GNB4: variants seen among roughly 807,000 people sequenced by gnomAD.
GNB4 encodes the protein guanine nucleotide-binding protein subunit beta-4.
In GNB4, 28 loss-of-function variants were observed where a neutral mutation model predicts 45.2. The observed-to-expected ratio is 0.62, with a 90% confidence interval of 0.46 to 0.85. GNB4 has a LOEUF of 0.85. Ranked by LOEUF, GNB4 falls within the 40% of genes least tolerant of loss-of-function variation. GNB4 has a pLI of 0.00. For missense variants in GNB4, 321 were observed against 425.4 expected, an observed-to-expected ratio of 0.75 and a Z score of 2.16; for synonymous variants, 132 against 143.7, an observed-to-expected ratio of 0.92 and a Z score of 0.58.
chr3:179,515,650 CA>C, the GNB4 span, among the ~76,000 whole-genome samples: 1 of 152,098 alleles, frequency 6.6e-6, no homozygotes, highest in African/African-American at 2.4e-5. Flanking sequence ...ACATGCAGGT[CA>C]CAGGGGATAT....
the GNB4 span, among the ~76,000 whole-genome samples, chr3:179,498,281 T>C: frequency 6.6e-6 from 1 of 152,168 alleles, no homozygotes; most frequent in African/African-American, 2.4e-5. Context: ...TCAGACATCA[T>C]AGCTATGAAA....
chr3:179,522,210 C>T, the GNB4 span, among the ~76,000 whole-genome samples: 1 of 152,174 alleles, frequency 6.6e-6, no homozygotes, highest in African/African-American at 2.4e-5. Flanking sequence ...CTGTTCCTGC[C>T]TTAACTGATG....
chr3:179,499,247 T>C, the GNB4 span, among the ~76,000 whole-genome samples: 16,379 of 145,420 alleles, frequency 0.11, 1,428 homozygotes, highest in African/African-American at 0.24. Context: ...AAGCTCCGCC[T>C]CCCAGGTTCA....
At chr3:179,509,675 A>C in the GNB4 span, among the ~76,000 whole-genome samples, 231 of 106,384 alleles carry the variant, frequency 2.2e-3, no homozygotes, top group Admixed American at 2.6e-3. Flanking sequence ...TTTTCTGGCC[A>C]CCCTCCTCCC....
At chr3:179,524,302 A>C in the GNB4 span, among the ~76,000 whole-genome samples, 1 of 152,230 alleles carries the variant, frequency 6.6e-6, no homozygotes. Context: ...TCTGATTTCC[A>C]GTGGGGTCCC....
At chr3:179,438,340 A>G (rs893182634) in intron 1 of GNB4, among the ~76,000 whole-genome samples, 2 of 152,204 alleles carry the variant, frequency 1.3e-5, no homozygotes, top group African/African-American at 4.8e-5. Flanking sequence ...GACTACTTAC[A>G]GTGTGACCCC....
the GNB4 span, among the ~76,000 whole-genome samples, chr3:179,461,004 A>G: frequency 6.6e-6 from 1 of 152,052 alleles, no homozygotes; most frequent in African/African-American, 2.4e-5. Context: ...TTTTTGCCAG[A>G]TTTCTTAATT....
intron 9 of GNB4, among the ~76,000 whole-genome samples, chr3:179,404,671 A>G (rs1406586993): frequency 6.6e-6 from 1 of 151,584 alleles, no homozygotes; most frequent in Admixed American, 6.6e-5. Context: ...TCCTTTAAGT[A>G]TAATTTTGAT....
At chr3:179,510,132 CT>C in the GNB4 span, among the ~76,000 whole-genome samples, 663 of 148,778 alleles carry the variant, frequency 4.5e-3, 6 homozygotes, top group African/African-American at 0.015. Context: ...GCCCAGGCTT[CT>C]TTTTTTTTTA....
chr3:179,411,799 G>A (rs1577027809), intron 8 of GNB4, among the ~76,000 whole-genome samples: 2 of 152,192 alleles, frequency 1.3e-5, no homozygotes, highest in African/African-American at 4.8e-5. Context: ...TTCAATAAGT[G>A]TATGATAAAG....
Position 179,427,734 on chromosome 3 carries a change from T to A in GNB4, c.-42-1492A>T, listed in dbSNP as rs557859003. Reference sequence around the variant, plus strand: ...GTAAATAAAGCAACCTGAAATAGCTTAACAAATAAAGGAATATTCATTCTA... The same window carrying A: ...GTAAATAAAGCAACCTGAAATAGCTAAACAAATAAAGGAATATTCATTCTA... On this transcript the variant is annotated intron_variant, in intron 1 of 9. Transcript: ENST00000232564. Among the ~76,000 whole-genome samples the A allele has an allele frequency of 3.5e-3, 532 of 152,098 alleles. 2 individuals carry two copies. The highest frequency in any genetic ancestry group is 6.8e-3 in the Middle Eastern group (2 of 294).
At chr3:179,421,284 T>C (rs1311261553) in intron 2 of GNB4, among the ~76,000 whole-genome samples, 1 of 152,138 alleles carries the variant, frequency 6.6e-6, no homozygotes, top group Non-Finnish European at 1.5e-5. Flanking sequence ...TGAACAAAAT[T>C]TGAGAGATGT....
Position 179,405,367 on chromosome 3 carries a change from CA to C in GNB4, c.738del (p.Asp246GlufsTer31). The C allele has an allele frequency of 6.2e-7, 1 of 1,613,690 alleles. No homozygotes were observed. The highest frequency in any genetic ancestry group is 2.2e-5 in the East Asian group (1 of 44,864). On this transcript the variant is annotated frameshift_variant, in exon 9 of 10. Coordinates refer to ENST00000232564, the MANE Select transcript of GNB4 (RefSeq NM_021629.4). LOFTEE classifies it high-confidence loss of function. Reference protein sequence around the residue: ...PNGYAFATGSDDATCRLFDLR... With the variant: ...PNGYAFATGSXDATCRLFDLR... ...AGGTCAAAGAGCCGGCAAGTGGCAT[CA>C]TCAGAGCCAGTGGCGAAGGCATATC... is the stretch of plus-strand genomic sequence containing the variant.
intron 1 of GNB4, among the ~76,000 whole-genome samples, chr3:179,446,052 C>T (rs530970716): frequency 6.6e-6 from 1 of 152,316 alleles, no homozygotes; most frequent in South Asian, 2.1e-4. Flanking sequence ...TAAAATAACA[C>T]ATCTTTCAGC....
At chr3:179,464,857 C>T in the GNB4 span, 1 of 1,360,944 alleles carries the variant, frequency 7.3e-7, no homozygotes, top group East Asian at 2.3e-5. Context: ...ACCAGTATTC[C>T]ATGTTACCGG....
the GNB4 span, among the ~76,000 whole-genome samples, chr3:179,523,272 G>A: frequency 6.6e-6 from 1 of 152,142 alleles, no homozygotes; most frequent in African/African-American, 2.4e-5. Flanking sequence ...AGTAATGGGG[G>A]CTGTCCATGA....
At chr3:179,446,709 G>C (rs1019729466) in intron 1 of GNB4, among the ~76,000 whole-genome samples, 1 of 152,124 alleles carries the variant, frequency 6.6e-6, no homozygotes, top group Non-Finnish European at 1.5e-5. Flanking sequence ...CAAAAGAAAG[G>C]TGATAACGTG....
At chr3:179,423,771 C>T (rs796953209) in intron 2 of GNB4, among the ~76,000 whole-genome samples, 4 of 147,796 alleles carry the variant, frequency 2.7e-5, no homozygotes, top group African/African-American at 5.1e-5. Flanking sequence ...ACTGAGACTC[C>T]GTCTCACTCT....
chr3:179,493,811 G>A, the GNB4 span, among the ~76,000 whole-genome samples: 4 of 152,076 alleles, frequency 2.6e-5, no homozygotes, highest in Non-Finnish European at 4.4e-5. Flanking sequence ...TAAAAATGGA[G>A]TTTCTTATGT....
Sources: gnomAD v4.1 joint callset for allele counts (sites outside exome capture counted in the v4.1 genomes callset) on GRCh38, gnomAD v4.1.1 for gene constraint, MANE v1.5 for transcripts, NCBI Gene and HGNC (gene_info 2026-07-23, HGNC 2026-07-21) for gene names.